Variants in STXBP6 observed in about 807,000 individuals in gnomAD.
STXBP6 encodes the protein syntaxin-binding protein 6.
Under a neutral mutation model 26.9 loss-of-function variants are expected in STXBP6, and 21 were observed. The ratio of observed to expected loss-of-function variants is 0.78; its 90% CI spans 0.55 to 1.12. The LOEUF (loss-of-function observed/expected upper bound fraction) is 1.12. Among genes scored for constraint, STXBP6 ranks in the 50% most tolerant of loss-of-function variants. The probability of loss-of-function intolerance (pLI) is 0.00; values close to 1 mark genes in which losing one functional copy is unlikely to be tolerated. For missense variants in STXBP6, 232 were observed against 257.9 expected (o/e 0.90, Z 0.69); for synonymous variants, 97 against 92.6 (o/e 1.05, Z -0.27).
chr14:24,896,153 C>T (rs1566453956), intron 2 of STXBP6, among the ~76,000 whole-genome samples: 1 of 152,040 alleles, frequency 6.6e-6, no homozygotes, highest in Non-Finnish European at 1.5e-5. Context: ...ATGAATTCTT[C>T]GGCTTTCAAA....
intron 5 of STXBP6, among the ~76,000 whole-genome samples, chr14:24,813,241 T>C (rs1388548545): frequency 1.3e-5 from 2 of 152,198 alleles, no homozygotes; most frequent in Non-Finnish European, 2.9e-5. Context: ...TTTAATTGTG[T>C]TACTGACGAG....
At chr14:24,934,270 T>A (rs1195756843) in intron 2 of STXBP6, among the ~76,000 whole-genome samples, 1 of 152,102 alleles carries the variant, frequency 6.6e-6, no homozygotes, top group African/African-American at 2.4e-5. Flanking sequence ...AAGAAATAAT[T>A]CTCTAACATT....
intron 2 of STXBP6, among the ~76,000 whole-genome samples, chr14:24,888,904 T>C (rs1441163285): frequency 6.6e-6 from 1 of 152,088 alleles, no homozygotes; most frequent in Non-Finnish European, 1.5e-5. Flanking sequence ...AAAGAGAACA[T>C]TTGCATACTT....
At chr14:24,871,089 C>A (rs1049483094) in intron 2 of STXBP6, among the ~76,000 whole-genome samples, 15 of 151,798 alleles carry the variant, frequency 9.9e-5, no homozygotes, top group African/African-American at 3.1e-4. Context: ...AGAAACCACG[C>A]CAATATTTTG....
intron 2 of STXBP6, among the ~76,000 whole-genome samples, chr14:24,899,411 C>T (rs1404393990): frequency 6.6e-6 from 1 of 151,982 alleles, no homozygotes; most frequent in Non-Finnish European, 1.5e-5. Context: ...TGCTTTTTTC[C>T]TTCACCAAGT....
At chr14:24,959,695 T>G (rs1161703588) in intron 2 of STXBP6, among the ~76,000 whole-genome samples, 2 of 152,124 alleles carry the variant, frequency 1.3e-5, no homozygotes. Flanking sequence ...ATATAAAGTA[T>G]AACAACTGAC....
chr14:24,874,075 G>A (rs973567257), intron 2 of STXBP6, among the ~76,000 whole-genome samples: 1 of 152,068 alleles, frequency 6.6e-6, no homozygotes, highest in Non-Finnish European at 1.5e-5. Context: ...CACTCCAAAC[G>A]GGAACTTCCA....
chr14:24,819,307 C>A, intron 4 of STXBP6, 113 bp from the exon 5 acceptor site: 1 of 1,238,978 alleles, frequency 8.1e-7, no homozygotes. Context: ...GCAGAAAGGC[C>A]GCTCGTCTAG....
intron 4 of STXBP6, among the ~76,000 whole-genome samples, chr14:24,848,553 C>A (rs1217307268): frequency 6.6e-6 from 1 of 151,984 alleles, no homozygotes; most frequent in Admixed American, 6.6e-5. Context: ...TGGTTTGGTA[C>A]AAAATTTTGA....
chr14:24,850,689 G>C (rs1028153582), intron 4 of STXBP6, among the ~76,000 whole-genome samples: 1 of 152,082 alleles, frequency 6.6e-6, no homozygotes, highest in Non-Finnish European at 1.5e-5. Flanking sequence ...TGTCCAGAAA[G>C]TAAGTCAAGC....
intron 2 of STXBP6, among the ~76,000 whole-genome samples, chr14:24,893,746 T>G (rs953952260): frequency 2.0e-5 from 3 of 152,212 alleles, no homozygotes; most frequent in African/African-American, 7.2e-5. Context: ...TACCTCCCAT[T>G]AACATTTTCC....
At chr14:24,818,081 G>A (rs1396612841) in intron 5 of STXBP6, 1 of 456,570 alleles carries the variant, frequency 2.2e-6, no homozygotes, top group African/African-American at 2.0e-5. Context: ...TTCTGTTAAA[G>A]CCAGTTATTT....
intron 2 of STXBP6, among the ~76,000 whole-genome samples, chr14:24,875,034 G>C (rs555156159): frequency 3.9e-5 from 6 of 152,288 alleles, no homozygotes; most frequent in African/African-American, 1.2e-4. Flanking sequence ...TGCTCTACAT[G>C]GAGAATGAAC....
intron 1 of STXBP6, among the ~76,000 whole-genome samples, chr14:24,989,493 T>C (rs951441627): frequency 6.6e-6 from 1 of 152,200 alleles, no homozygotes; most frequent in African/African-American, 2.4e-5. Context: ...CACATAGTCA[T>C]CTTAGAATTT....
At chr14:24,997,430 C>G (rs2074632967) in intron 1 of STXBP6, among the ~76,000 whole-genome samples, 1 of 152,330 alleles carries the variant, frequency 6.6e-6, no homozygotes, top group East Asian at 1.9e-4. Flanking sequence ...ATGCCCAATT[C>G]CTACTCAATC....
chr14:24,907,544 T>C (rs1256312379), intron 2 of STXBP6, among the ~76,000 whole-genome samples: 2 of 151,984 alleles, frequency 1.3e-5, no homozygotes, highest in Admixed American at 1.3e-4. Flanking sequence ...CATGAGAGAG[T>C]CTTTGAATTT....
chr14:24,901,147 T>A (rs1428072102), intron 2 of STXBP6, among the ~76,000 whole-genome samples: 1 of 151,610 alleles, frequency 6.6e-6, no homozygotes, highest in Non-Finnish European at 1.5e-5. Flanking sequence ...AGACAGGATT[T>A]TTTTTTTCTC....
chr14:25,028,047 C>T (rs2075379925), intron 1 of STXBP6, among the ~76,000 whole-genome samples: 2 of 152,158 alleles, frequency 1.3e-5, no homozygotes, highest in Admixed American at 6.5e-5. Flanking sequence ...TTTAAGAAGC[C>T]ATCTCTATGA....
At chr14:24,870,053 T>C (rs1243989555) in intron 2 of STXBP6, among the ~76,000 whole-genome samples, 3 of 152,194 alleles carry the variant, frequency 2.0e-5, no homozygotes, top group Admixed American at 1.3e-4. Flanking sequence ...ATGTATAGTA[T>C]GGTTTGTGTC....
Sources: gnomAD v4.1 joint callset for allele counts (sites outside exome capture counted in the v4.1 genomes callset) on GRCh38, gnomAD v4.1.1 for gene constraint, MANE v1.5 for transcripts, NCBI Gene and HGNC (gene_info 2026-07-23, HGNC 2026-07-21) for gene names.